Variants in WDR4 observed in about 807,000 individuals in gnomAD.
The protein encoded by WDR4 is WDR4 tRNA N7-guanosine methyltransferase non-catalytic subunit.
WDR4 carries 47 observed loss-of-function variants against 48.6 expected under a neutral mutation model. The ratio of observed to expected loss-of-function variants is 0.97; its 90% CI spans 0.77 to 1.23. The LOEUF is 1.23. Among genes scored for constraint, WDR4 ranks in the 50% most tolerant of loss-of-function variants. The pLI is 0.00. For missense variants in WDR4, 606 were observed against 551.6 expected (o/e 1.10, Z -0.99); for synonymous variants, 268 against 230.0 (o/e 1.17, Z -1.49).
At chr21:42,853,800 G>C in intron 8 of WDR4, 48 bp from the exon 9 acceptor site, 1 of 1,517,272 alleles carries the variant, frequency 6.6e-7, no homozygotes, top group African/African-American at 1.4e-5. Flanking sequence ...CAGGCCCACG[G>C]GCTCCGCTCT....
At chr21:42,873,769 T>C in intron 2 of WDR4, 78 bp from the exon 3 acceptor site, 1 of 1,540,794 alleles carries the variant, frequency 6.5e-7, no homozygotes, top group Admixed American at 1.9e-5. Context: ...AGCGTGGTAA[T>C]TTCTAACATG....
chr21:42,879,213 G>A, intron 1 of WDR4, 194 bp downstream of exon 1: 3 of 1,326,664 alleles, frequency 2.3e-6, no homozygotes, highest in Admixed American at 6.9e-5. Context: ...GAGAGCGGAC[G>A]GCGAAAGCGG....
chr21:42,850,921 C>G (rs984348740), intron 10 of WDR4, among the ~76,000 whole-genome samples: 1 of 152,208 alleles, frequency 6.6e-6, no homozygotes, highest in Non-Finnish European at 1.5e-5. Flanking sequence ...ACAGGCCCAG[C>G]CGGTAACCCG....
downstream of WDR4, among the ~76,000 whole-genome samples, chr21:42,844,431 G>A (rs1325865714): frequency 6.6e-6 from 1 of 152,190 alleles, no homozygotes; most frequent in African/African-American, 2.4e-5. Flanking sequence ...TTAACACGAA[G>A]AATGATTCAA....
At chr21:42,883,394 A>G (rs921591470), upstream of WDR4, among the ~76,000 whole-genome samples, 12 of 151,602 alleles carry the variant, frequency 7.9e-5, no homozygotes, top group Non-Finnish European at 1.6e-4. Flanking sequence ...AAAATTGTGT[A>G]AAAACAAAAA....
chr21:42,852,284 A>C lies in WDR4; in HGVS notation c.1016T>G (p.Val339Gly). The C allele has an allele frequency of 6.2e-7, 1 of 1,614,184 alleles. No homozygotes were observed. The highest frequency in any genetic ancestry group is 1.1e-5 in the South Asian group (1 of 91,070). Reference sequence around the variant, plus strand: ...CAGCATGGCCCAGTTCCCACGAAGAACACCAGAGACTTTCTTTAACACGGT... The same window carrying C: ...CAGCATGGCCCAGTTCCCACGAAGACCACCAGAGACTTTCTTTAACACGGT... Reference protein sequence around the residue: ...ESTVLKKVSGVLRGNWAMLEG... With the variant: ...ESTVLKKVSGGLRGNWAMLEG... The change falls in exon 10 of 11, where the codon GTT becomes GGT. Residue 339 changes from valine to glycine, a missense_variant. Physicochemically the swap from Val to Gly is moderately radical, Grantham distance 109 (BLOSUM62 -3). Transcript: ENST00000398208.
the WDR4 span, among the ~76,000 whole-genome samples, chr21:42,892,922 GC>G: frequency 6.6e-6 from 1 of 152,230 alleles, no homozygotes. Flanking sequence ...ACCAGACTGT[GC>G]CCCCAGGGAA....
At chr21:42,848,997 T>TCACA (rs576552722), downstream of WDR4, among the ~76,000 whole-genome samples, 7 of 105,704 alleles carry the variant, frequency 6.6e-5, no homozygotes, top group Admixed American at 1.1e-4. Flanking sequence ...AGCGTGCACC[T>TCACA]CACACACAGC....
chr21:42,882,482 G>T (rs1351280723), upstream of WDR4, among the ~76,000 whole-genome samples: 2 of 151,462 alleles, frequency 1.3e-5, no homozygotes, highest in Non-Finnish European at 2.9e-5. Flanking sequence ...AGAATCACTA[G>T]AACCCAGGAG....
intron 3 of WDR4, among the ~76,000 whole-genome samples, chr21:42,872,902 A>G (rs1000850870): frequency 1.8e-4 from 28 of 152,138 alleles, no homozygotes; most frequent in Non-Finnish European, 4.4e-5. Context: ...GCGCCATTGC[A>G]CTCCAGCCTG....
rs1377636596 is a variant in WDR4 at position 42,863,723 on chromosome 21, A to G, written c.297-127T>C. 4.5e-6 allele frequency: 5 copies of G among 1,100,266 alleles called. No homozygotes were observed. The African/African-American group carries it at 6.3e-5, about 14-fold the overall frequency. 68.2% of individuals were successfully genotyped at this position (1,100,266 alleles called of 1,614,324 possible). On this transcript the variant is annotated intron_variant, in intron 3 of 10. Transcript: ENST00000398208. ...CATATGCTCTGTTTTCCAGCTGCTG[A>G]AGGTGGTGCCAAAAAAATTAAGCAA...
chr21:42,878,583 G>A (rs745741144), intron 1 of WDR4, among the ~76,000 whole-genome samples: 107 of 152,286 alleles, frequency 7.0e-4, no homozygotes, highest in Non-Finnish European at 1.4e-3. Flanking sequence ...CACGTCGTCC[G>A]TTTCAAATAT....
chr21:42,880,190 G>A (rs1260521427), upstream of WDR4, among the ~76,000 whole-genome samples: 1 of 151,794 alleles, frequency 6.6e-6, no homozygotes, highest in Admixed American at 6.6e-5. Flanking sequence ...GTGGCGTCAA[G>A]TCTGAGGTCG....
At position 42,853,721 on chromosome 21, in the gene WDR4, C is replaced by T. The variant is rs148443424; in HGVS notation, c.823G>A (p.Ala275Thr). The change falls in exon 9 of 11, where the codon GCC becomes ACC. Residue 275 changes from alanine (A) to threonine (T), a missense_variant. Coordinates refer to ENST00000398208, the MANE Select transcript of WDR4 (RefSeq NM_018669.6). ...CTGTACACCAACTGCTGTCTGCGGG[C>T]GTCCAGCTGGAAGATGTAGACCACA... ...TPVVYIFQLD[A>T]RRQQLVYRQQ... 1.2e-4 allele frequency: 185 copies of T among 1,563,734 alleles called. 1 individual carries two copies. The highest frequency in any genetic ancestry group is 4.7e-5 in the South Asian group (4 of 84,994).
chr21:42,884,358 A>G (rs2058624307), upstream of WDR4, among the ~76,000 whole-genome samples: 1 of 152,126 alleles, frequency 6.6e-6, no homozygotes, highest in Admixed American at 6.6e-5. Context: ...AGATTGCGCC[A>G]CTGCACTCCA....
chr21:42,884,478 T>C (rs1441408607), upstream of WDR4, among the ~76,000 whole-genome samples: 3 of 151,962 alleles, frequency 2.0e-5, no homozygotes, highest in Non-Finnish European at 2.9e-5. Context: ...GAAACCCCAC[T>C]TCTACTAAAA....
At position 42,862,353 on chromosome 21, in the gene WDR4, C is replaced by A; in HGVS notation, c.495G>T (p.Arg165=). The change falls in exon 5 of 11, where the codon CGG becomes CGT. Residue 165 remains arginine (R), a synonymous_variant. Coordinates refer to ENST00000398208, the MANE Select transcript of WDR4 (RefSeq NM_018669.6). This position sits in a 1 kb window ranked among gnomAD's most constrained non-coding sequence, Gnocchi z 4.3. ...PDDRFILTAD[R]DEKIRVSWAA... is the part of the protein sequence containing the mutation. ...CCCAGCTGACTCGGATCTTCTCGTC[C>A]CGGTCGGCAGTGAGGATGAAGCGGT... is the stretch of plus-strand genomic sequence containing the variant. 1 of 1,611,668 alleles carries A rather than the reference C, an allele frequency of 6.2e-7. No individual in the cohort carries two copies. Among genetic ancestry groups the A allele is most frequent in the Non-Finnish European group, 8.5e-7 (1 of 1,179,050 alleles).
intron 3 of WDR4, among the ~76,000 whole-genome samples, chr21:42,871,418 C>T (rs2058366741): frequency 1.3e-5 from 2 of 152,246 alleles, no homozygotes; most frequent in African/African-American, 4.8e-5. Context: ...CTGCCACCTG[C>T]AGAGATCCCT....
At chr21:42,846,106 C>A (rs1007712727), downstream of WDR4, among the ~76,000 whole-genome samples, 2 of 151,996 alleles carry the variant, frequency 1.3e-5, no homozygotes, top group African/African-American at 2.4e-5. Flanking sequence ...GCCTGGGTAA[C>A]AGAGCAAGAC....
Sources: gnomAD v4.1 joint callset for allele counts (sites outside exome capture counted in the v4.1 genomes callset) on GRCh38, gnomAD v4.1.1 for gene constraint, Gnocchi (gnomAD v3.1) non-coding constraint, MANE v1.5 for transcripts, NCBI Gene and HGNC (gene_info 2026-07-23, HGNC 2026-07-21) for gene names.